SGCZ: variants seen among roughly 807,000 people sequenced by gnomAD.
SGCZ encodes the protein zeta-sarcoglycan.
Under a neutral mutation model 41.3 loss-of-function variants are expected in SGCZ, and 40 were observed. That is an observed-to-expected ratio of 0.97 (90% CI 0.75 to 1.26). The LOEUF (loss-of-function observed/expected upper bound fraction) is 1.26, where lower values mean the gene tolerates loss of function less well. SGCZ is among the 50% of genes most tolerant of loss of function. The pLI, the probability that SGCZ is intolerant of heterozygous loss-of-function variation, is 0.00. For missense variants in SGCZ, 552 were observed against 369.8 expected (o/e 1.49, Z -4.04); for synonymous variants, 206 against 137.5 (o/e 1.50, Z -3.49).
chr8:14,100,441 G>C (rs117115408), intron 7 of SGCZ, among the ~76,000 whole-genome samples: 2,682 of 150,126 alleles, frequency 0.018, 50 homozygotes, highest in Middle Eastern at 0.072. Flanking sequence ...GTTTAAGAAA[G>C]ACTTCCGTCC....
chr8:15,183,719 G>C (rs928281406), intron 1 of SGCZ, among the ~76,000 whole-genome samples: 9 of 152,100 alleles, frequency 5.9e-5, no homozygotes, highest in Non-Finnish European at 1.0e-4. Flanking sequence ...AATATACCGG[G>C]ATAGCTTTCC....
Position 14,803,371 on chromosome 8 carries a change from G to A in SGCZ, c.40-248445C>T, listed in dbSNP as rs559878742. Among the ~76,000 whole-genome samples, 153 of 152,180 alleles carry A rather than the reference G, an allele frequency of 1.0e-3. 2 individuals are homozygous for A. Among genetic ancestry groups the A allele is most frequent in the Admixed American group, 1.2e-3 (18 of 15,284 alleles). On this transcript the variant is annotated intron_variant, in intron 1 of 7. Transcript: ENST00000382080. ...AGTGGGCGCAGGTCAGTGGGTGCGC[G>A]CACCATGCGCAAGCCGAAGCAGGGT...
At chr8:14,308,492 A>T (rs748229918) in intron 3 of SGCZ, among the ~76,000 whole-genome samples, 2 of 152,038 alleles carry the variant, frequency 1.3e-5, no homozygotes, top group African/African-American at 4.8e-5. Flanking sequence ...TCAAGCTTCA[A>T]TGCAGGGTAC....
In SGCZ at chr8:15,173,636, T is replaced by A. The variant is rs574990200; in HGVS notation, c.39+63949A>T. ...ATGTGGTATTCTTGAAGATTCATTT[T>A]AAAATGATTCTTGGTAAGACACAGA... On this transcript the variant is annotated intron_variant, in intron 1 of 7. Transcript: ENST00000382080. Among the ~76,000 whole-genome samples the A allele has an allele frequency of 4.9e-4, 74 of 152,344 alleles. 1 individual carries two copies. Among genetic ancestry groups the A allele is most frequent in the Middle Eastern group, 3.4e-3 (1 of 294 alleles).
chr8:14,853,241 G>A (rs1803405321), intron 1 of SGCZ, among the ~76,000 whole-genome samples: 1 of 152,122 alleles, frequency 6.6e-6, no homozygotes, highest in African/African-American at 2.4e-5. Flanking sequence ...GGGAAGAGGA[G>A]GTAATGATCA....
At chr8:14,506,434 C>T (rs923094922) in intron 2 of SGCZ, among the ~76,000 whole-genome samples, 5 of 152,018 alleles carry the variant, frequency 3.3e-5, no homozygotes, top group African/African-American at 1.2e-4. Flanking sequence ...CGGTATTATC[C>T]TATTGCCATT....
intron 1 of SGCZ, among the ~76,000 whole-genome samples, chr8:15,134,061 G>C (rs1184595354): frequency 2.6e-5 from 4 of 152,078 alleles, no homozygotes; most frequent in Non-Finnish European, 5.9e-5. Context: ...TAAAATACTT[G>C]ATTAAGGCAG....
At chr8:14,444,815 T>TAATAA (rs1359099707) in intron 2 of SGCZ, among the ~76,000 whole-genome samples, 12 of 151,930 alleles carry the variant, frequency 7.9e-5, no homozygotes, top group Non-Finnish European at 1.8e-4. Flanking sequence ...AGTATAATAA[T>TAATAA]AATGAAATAA....
chr8:14,786,557 T>C (rs1800773068), intron 1 of SGCZ, among the ~76,000 whole-genome samples: 1 of 149,396 alleles, frequency 6.7e-6, no homozygotes, highest in Non-Finnish European at 1.5e-5. Context: ...ATTTGAGTGC[T>C]GTTTTCCCTT....
intron 2 of SGCZ, among the ~76,000 whole-genome samples, chr8:14,350,076 T>A (rs547063043): frequency 1.3e-5 from 2 of 152,130 alleles, no homozygotes; most frequent in African/African-American, 4.8e-5. Context: ...GGCTAAATGA[T>A]TGATAAAATC....
intron 1 of SGCZ, among the ~76,000 whole-genome samples, chr8:15,090,823 A>C (rs1261778510): frequency 6.6e-6 from 1 of 152,172 alleles, no homozygotes; most frequent in Non-Finnish European, 1.5e-5. Context: ...TCAAGAGTGA[A>C]AGGTTGCCCA....
chr8:14,277,532 T>C (rs541621967), intron 3 of SGCZ, among the ~76,000 whole-genome samples: 109 of 152,296 alleles, frequency 7.2e-4, no homozygotes, highest in African/African-American at 2.6e-3. Flanking sequence ...AACCTTTTTA[T>C]TGTAATCAAT....
intron 5 of SGCZ, among the ~76,000 whole-genome samples, chr8:14,161,939 TAGG>T (rs1481136113): frequency 1.3e-5 from 2 of 150,998 alleles, no homozygotes; most frequent in Non-Finnish European, 3.0e-5. Flanking sequence ...GGAGAAGCAA[TAGG>T]AGGAAGAAGG....
intron 1 of SGCZ, among the ~76,000 whole-genome samples, chr8:15,225,494 G>T (rs909811063): frequency 6.6e-6 from 1 of 152,132 alleles, no homozygotes; most frequent in Non-Finnish European, 1.5e-5. Flanking sequence ...TTGAGTGTGT[G>T]TATCTGTATG....
At chr8:14,887,618 A>T (rs1804858816) in intron 1 of SGCZ, among the ~76,000 whole-genome samples, 1 of 152,184 alleles carries the variant, frequency 6.6e-6, no homozygotes, top group Non-Finnish European at 1.5e-5. Context: ...ACACAATCAT[A>T]TAAAAACTAT....
chr8:14,675,238 C>A (rs1405464823), intron 1 of SGCZ, among the ~76,000 whole-genome samples: 1 of 151,736 alleles, frequency 6.6e-6, no homozygotes, highest in Non-Finnish European at 1.5e-5. Flanking sequence ...CCGCACCCGG[C>A]CAAACCTCTT....
At chr8:14,424,266 G>C (rs1799715543) in intron 2 of SGCZ, among the ~76,000 whole-genome samples, 1 of 152,104 alleles carries the variant, frequency 6.6e-6, no homozygotes, top group Admixed American at 6.6e-5. Flanking sequence ...GCAATGTTAG[G>C]TGCTAAAGCT....
chr8:14,640,994 A>G (rs2117427926), intron 1 of SGCZ, among the ~76,000 whole-genome samples: 1 of 151,800 alleles, frequency 6.6e-6, no homozygotes, highest in Non-Finnish European at 1.5e-5. Context: ...TCCTCTATCA[A>G]TTCAGAAAGA....
At chr8:15,199,225 C>A (rs1800822231) in intron 1 of SGCZ, among the ~76,000 whole-genome samples, 1 of 152,118 alleles carries the variant, frequency 6.6e-6, no homozygotes, top group Non-Finnish European at 1.5e-5. Context: ...ACAAACATTT[C>A]TTGAATGACT....
Sources: gnomAD v4.1 joint callset for allele counts (sites outside exome capture counted in the v4.1 genomes callset) on GRCh38, gnomAD v4.1.1 for gene constraint, MANE v1.5 for transcripts, NCBI Gene and HGNC (gene_info 2026-07-23, HGNC 2026-07-21) for gene names.